Variants in CNTNAP2 observed in about 807,000 individuals in gnomAD.
CNTNAP2 encodes contactin associated protein 2.
In CNTNAP2, 98 loss-of-function variants were observed where a neutral mutation model predicts 155.2. That is an observed-to-expected ratio of 0.63 (90% CI 0.54 to 0.75). The LOEUF is 0.75. Among genes scored for constraint, CNTNAP2 ranks in the 30% least tolerant of loss-of-function variants. CNTNAP2 has a pLI of 0.00. For synonymous variants in CNTNAP2, 651 were observed against 631.2 expected (o/e 1.03, Z -0.47); for missense variants, 1,727 against 1,688.1 (o/e 1.02, Z -0.40).
intron 1 of CNTNAP2, among the ~76,000 whole-genome samples, chr7:146,350,454 A>C (rs1333963147): frequency 6.6e-6 from 1 of 152,206 alleles, no homozygotes; most frequent in African/African-American, 2.4e-5. Context: ...TCCATCAGAG[A>C]AATGCAAATC....
intron 1 of CNTNAP2, among the ~76,000 whole-genome samples, chr7:146,144,171 A>C (rs1333882478): frequency 1.3e-5 from 2 of 148,814 alleles, no homozygotes; most frequent in African/African-American, 5.2e-5. Flanking sequence ...ATTTATTTTG[A>C]GATGGGGCCT....
intron 9 of CNTNAP2, among the ~76,000 whole-genome samples, chr7:147,329,540 A>G (rs1795519910): frequency 6.6e-6 from 1 of 152,130 alleles, no homozygotes; most frequent in South Asian, 2.1e-4. Flanking sequence ...ATAAGATACG[A>G]TTGCCAGAAT....
chr7:147,295,179 G>A (rs2116757575), intron 8 of CNTNAP2, among the ~76,000 whole-genome samples: 1 of 152,108 alleles, frequency 6.6e-6, no homozygotes, highest in African/African-American at 2.4e-5. Context: ...ATGAGATATG[G>A]CTATCCCCAG....
At chr7:147,757,968 C>T (rs867909871) in intron 13 of CNTNAP2, among the ~76,000 whole-genome samples, 2 of 152,068 alleles carry the variant, frequency 1.3e-5, no homozygotes, top group Non-Finnish European at 2.9e-5. Context: ...AAACATGCAA[C>T]TCTGGAAAGA....
At chr7:147,228,765 TC>T (rs1803607429) in intron 8 of CNTNAP2, among the ~76,000 whole-genome samples, 3 of 152,096 alleles carry the variant, frequency 2.0e-5, no homozygotes, top group Non-Finnish European at 4.4e-5. Context: ...CATCAACCCG[TC>T]ATCTACATTA....
chr7:147,816,978 T>C (rs1798275499), intron 13 of CNTNAP2, among the ~76,000 whole-genome samples: 1 of 152,196 alleles, frequency 6.6e-6, no homozygotes, highest in South Asian at 2.1e-4. Flanking sequence ...CTATGAAGCA[T>C]TTCTGTCAAA....
chr7:147,490,214 A>T (rs986905138), intron 11 of CNTNAP2, among the ~76,000 whole-genome samples: 2 of 152,196 alleles, frequency 1.3e-5, no homozygotes, highest in Non-Finnish European at 2.9e-5. Context: ...TAGATGACCT[A>T]TATAATTCTC....
At chr7:146,143,880 A>C (rs111502698) in intron 1 of CNTNAP2, among the ~76,000 whole-genome samples, 1 of 151,864 alleles carries the variant, frequency 6.6e-6, no homozygotes, top group Non-Finnish European at 1.5e-5. Flanking sequence ...TTCCTGCTTC[A>C]GTCTCCCATG....
intron 11 of CNTNAP2, among the ~76,000 whole-genome samples, chr7:147,535,892 G>C (rs955049659): frequency 6.8e-6 from 1 of 146,104 alleles, no homozygotes; most frequent in Admixed American, 7.2e-5. Context: ...CCAGGAAATA[G>C]GGATTTACTA....
intron 1 of CNTNAP2, among the ~76,000 whole-genome samples, chr7:146,666,692 T>G (rs1323706214): frequency 6.6e-6 from 1 of 152,238 alleles, no homozygotes; most frequent in African/African-American, 2.4e-5. Flanking sequence ...ATAGCCATCC[T>G]AACTGGGGTC....
intron 8 of CNTNAP2, among the ~76,000 whole-genome samples, chr7:147,187,468 G>A (rs1393565744): frequency 6.6e-6 from 1 of 152,088 alleles, no homozygotes; most frequent in Non-Finnish European, 1.5e-5. Context: ...GAAGCAACAT[G>A]GATGTAGCTG....
intron 11 of CNTNAP2, among the ~76,000 whole-genome samples, chr7:147,556,606 G>A (rs546228926): frequency 6.6e-6 from 1 of 152,282 alleles, no homozygotes; most frequent in Non-Finnish European, 1.5e-5. Context: ...TCCTAGCTTT[G>A]AAGATGGGGG....
intron 12 of CNTNAP2, among the ~76,000 whole-genome samples, chr7:147,572,258 G>C (rs1800309119): frequency 6.6e-6 from 1 of 151,776 alleles, no homozygotes; most frequent in Non-Finnish European, 1.5e-5. Flanking sequence ...CATAGTGATA[G>C]GTTAATACTA....
intron 15 of CNTNAP2, among the ~76,000 whole-genome samples, chr7:148,097,309 T>C (rs1354192069): frequency 7.7e-6 from 1 of 129,350 alleles, no homozygotes; most frequent in Non-Finnish European, 1.6e-5. Flanking sequence ...AACCAGAAAA[T>C]GTGTTGTTTA....
At chr7:148,355,454 G>C (rs1405370861) in intron 21 of CNTNAP2, among the ~76,000 whole-genome samples, 3 of 151,862 alleles carry the variant, frequency 2.0e-5, no homozygotes, top group Admixed American at 1.3e-4. Flanking sequence ...ATAATAGTTT[G>C]CCAGGTTAGC....
intron 21 of CNTNAP2, among the ~76,000 whole-genome samples, chr7:148,316,117 T>G (rs1797684120): frequency 6.6e-6 from 1 of 152,154 alleles, no homozygotes; most frequent in African/African-American, 2.4e-5. Flanking sequence ...AACCCAGTCC[T>G]GAACACCCAG....
Position 146,156,315 on chromosome 7 carries a change from G to T in CNTNAP2, c.97+39342G>T, listed in dbSNP as rs569832353. On this transcript the variant is annotated intron_variant, in intron 1 of 23. Transcript: ENST00000361727. ...GAGAAAATAAAGAATGATTGTTCATGTTTTAATGTATAAGAGCACATTGAT... is the reference window on the plus strand; with the variant it reads ...GAGAAAATAAAGAATGATTGTTCATTTTTTAATGTATAAGAGCACATTGAT... Among the ~76,000 whole-genome samples, 32 of 152,242 alleles carry T rather than the reference G, an allele frequency of 2.1e-4. 2 individuals are homozygous for T. In the South Asian group the frequency reaches 6.4e-3, roughly 31 times the overall value.
At chr7:147,172,151 G>T (rs188287563) in intron 8 of CNTNAP2, among the ~76,000 whole-genome samples, 1 of 152,044 alleles carries the variant, frequency 6.6e-6, no homozygotes, top group Non-Finnish European at 1.5e-5. Flanking sequence ...CAGATTTCTC[G>T]ATGACTATTT....
intron 9 of CNTNAP2, among the ~76,000 whole-genome samples, chr7:147,325,464 A>T (rs575733842): frequency 3.0e-4 from 46 of 152,292 alleles, no homozygotes; most frequent in African/African-American, 9.9e-4. Context: ...TTTTCTGAAG[A>T]GGTGAAAGAA....
Sources: allele counts gnomAD v4.1 joint callset (sites outside exome capture counted in the v4.1 genomes callset), GRCh38; gene constraint gnomAD v4.1.1; transcripts MANE v1.5; gene names NCBI Gene and HGNC (gene_info 2026-07-23, HGNC 2026-07-21).